The following MLIP variants were observed in gnomAD, a reference collection of about 807,000 sequenced individuals.
MLIP encodes muscular LMNA interacting protein, also known as muscular LMNA-interacting protein.
Under a neutral mutation model 84.8 loss-of-function variants are expected in MLIP, and 79 were observed. The ratio of observed to expected loss-of-function variants is 0.93; its 90% CI spans 0.78 to 1.12. The LOEUF (loss-of-function observed/expected upper bound fraction) is 1.12. MLIP is among the 50% of genes most tolerant of loss of function. The pLI is 0.00. For synonymous variants in MLIP, 504 were observed against 463.0 expected (o/e 1.09, Z -1.14); for missense variants, 1,257 against 1,160.6 (o/e 1.08, Z -1.21).
intron 1 of MLIP, 89 bp from the exon 2 acceptor site, chr6:54,121,358 A>G (rs1770433414): frequency 7.3e-7 from 1 of 1,370,428 alleles, no homozygotes; most frequent in African/African-American, 1.5e-5. Flanking sequence ...TCATCAAAAT[A>G]AATGAGATAA....
At chr6:54,048,513 G>A (rs1475173203) in intron 1 of MLIP, among the ~76,000 whole-genome samples, 1 of 152,110 alleles carries the variant, frequency 6.6e-6, no homozygotes, top group African/African-American at 2.4e-5. Context: ...GTGGGCATGT[G>A]GTCATGAAGG....
At chr6:54,186,195 G>A (rs1777373144) in intron 9 of MLIP, among the ~76,000 whole-genome samples, 1 of 152,156 alleles carries the variant, frequency 6.6e-6, no homozygotes, top group Non-Finnish European at 1.5e-5. Flanking sequence ...AGTTATTGTT[G>A]ATCTCTCAGA....
chr6:54,261,728 T>C (rs1383378009), intron 13 of MLIP: 1 of 985,188 alleles, frequency 1.0e-6, no homozygotes. Context: ...AAAGAGAAAA[T>C]AAATTACTTG....
At chr6:54,196,577 G>T (rs1025723452) in intron 10 of MLIP, among the ~76,000 whole-genome samples, 6 of 151,744 alleles carry the variant, frequency 4.0e-5, no homozygotes, top group African/African-American at 1.5e-4. Flanking sequence ...TCTTTATCTG[G>T]TCTATCATTG....
chr6:54,074,953 GA>G (rs939944205), intron 1 of MLIP, among the ~76,000 whole-genome samples: 3 of 151,792 alleles, frequency 2.0e-5, no homozygotes, highest in African/African-American at 7.3e-5. Context: ...ATTTGCTTGA[GA>G]AAAAAAATTC....
chr6:54,113,667 A>G (rs1414357230), intron 1 of MLIP, among the ~76,000 whole-genome samples: 1 of 151,732 alleles, frequency 6.6e-6, no homozygotes, highest in African/African-American at 2.4e-5. Flanking sequence ...TCATATACTC[A>G]GTCTTAATGC....
At chr6:54,178,687 G>T (rs1375358285) in intron 9 of MLIP, among the ~76,000 whole-genome samples, 2 of 151,970 alleles carry the variant, frequency 1.3e-5, no homozygotes, top group Admixed American at 1.3e-4. Flanking sequence ...ATTTCCATGT[G>T]TTTGTATAGT....
intron 9 of MLIP, among the ~76,000 whole-genome samples, chr6:54,183,280 C>A (rs554100457): frequency 2.0e-4 from 31 of 152,116 alleles, no homozygotes; most frequent in African/African-American, 7.0e-4. Flanking sequence ...TAGGATGATG[C>A]CAGAGATTTG....
At chr6:54,230,342 T>C (rs1215280490) in intron 11 of MLIP, among the ~76,000 whole-genome samples, 1 of 152,170 alleles carries the variant, frequency 6.6e-6, no homozygotes, top group Non-Finnish European at 1.5e-5. Flanking sequence ...TAAATTAATT[T>C]CCATGACTAC....
chr6:54,124,994 C>A (rs1770801439), intron 3 of MLIP, 129 bp downstream of exon 3: 6 of 704,770 alleles, frequency 8.5e-6, no homozygotes, highest in East Asian at 5.8e-5. Context: ...ATTTAAAAAA[C>A]CATTATCTCA....
At position 54,136,802 on chromosome 6, in the gene MLIP, C is replaced by A. The variant is rs1423749543; in HGVS notation, c.733C>A (p.Pro245Thr). ...FVSPTNPNTP[P>T]DPVNLEGASV... Reference sequence around the variant, plus strand: ...TTCTCCAACTAATCCGAACACACCACCCGACCCAGTTAACCTCGAGGGAGC... The same window carrying A: ...TTCTCCAACTAATCCGAACACACCAACCGACCCAGTTAACCTCGAGGGAGC... The change falls in exon 4 of 14, where the codon CCC becomes ACC. Residue 245 changes from proline to threonine, a missense_variant. Transcript: ENST00000502396. 6.5e-7 allele frequency: 1 copy of A among 1,529,530 alleles called. No individual in the cohort carries two copies. The highest frequency in any genetic ancestry group is 2.0e-5 in the Admixed American group (1 of 50,882). 94.7% of individuals were successfully genotyped at this position (1,529,530 alleles called of 1,614,324 possible). A position where few individuals can be genotyped will look rare whatever the true frequency, so the allele number is the denominator to read the frequency against.
chr6:54,048,398 G>A (rs1308510871), intron 1 of MLIP, among the ~76,000 whole-genome samples: 1 of 152,098 alleles, frequency 6.6e-6, no homozygotes, highest in African/African-American at 2.4e-5. Context: ...TGCTTGGGGA[G>A]AATGTGCATT....
In MLIP at chr6:54,257,308, C is replaced by G. The variant is rs1010881299; in HGVS notation, c.2923C>G (p.Leu975Val). 6.2e-7 allele frequency: 1 copy of G among 1,611,496 alleles called. No homozygotes were observed. The highest frequency in any genetic ancestry group is 1.3e-5 in the African/African-American group (1 of 74,744). ...TATCCTGGGCATCTTTTCTGTGAAG[C>G]TGAGTCATCCAATGGTGGCTATTCC... Reference protein sequence around the residue: ...TLLSHNACNKLSHPMVAIPEH... With the variant: ...TLLSHNACNKVSHPMVAIPEH... The change falls in exon 13 of 14, where the codon CTG (leucine) becomes GTG (valine). Residue 975 changes from leucine (L) to valine (V), a missense_variant and splice_region_variant. Leu to Val is a conservative substitution (Grantham distance 32). Coordinates refer to ENST00000502396, the MANE Select transcript of MLIP (RefSeq NM_001281747.2).
Position 54,076,688 on chromosome 6 carries a change from G to A in MLIP, c.64-44759G>A, listed in dbSNP as rs900275325. Among the ~76,000 whole-genome samples the A allele has an allele frequency of 4.0e-4, 61 of 152,224 alleles. 1 individual carries two copies. Among genetic ancestry groups the A allele is most frequent in the South Asian group, 1.7e-3 (8 of 4,820 alleles). On this transcript the variant is annotated intron_variant, in intron 1 of 12. Coordinates refer to the MLIP transcript ENST00000274897. ...AATAAATTTTGCATAGCATTTTGGA[G>A]GCATCATCAAAATCAAAGCCTGAAT...
chr6:54,181,858 A>G (rs1373915795), intron 9 of MLIP, among the ~76,000 whole-genome samples: 4 of 152,136 alleles, frequency 2.6e-5, no homozygotes, highest in Non-Finnish European at 4.4e-5. Context: ...GCTCTATCCA[A>G]TTGTGGATGA....
rs140282045 is a variant in MLIP at position 54,124,531 on chromosome 6, C to A, written c.311C>A (p.Ala104Glu). 5.0e-6 allele frequency: 8 copies of A among 1,613,990 alleles called. No individual in the cohort carries two copies. The highest frequency in any genetic ancestry group is 5.1e-6 in the Non-Finnish European group (6 of 1,180,008). The change falls in exon 3 of 14, where the codon GCG becomes GAG. Residue 104 changes from alanine (A) to glutamate (E), a missense_variant. Coordinates refer to ENST00000502396, the MANE Select transcript of MLIP (RefSeq NM_001281747.2). The stretch of plus-strand genomic sequence containing the variant: ...GGGAGCCAACAAGAGAGAGACCAAG[C>A]GAAATTGACTTGTCCTTCAGAGGTC... ...NAGSQQERDQAKLTCPSEVSG... is the reference protein window; with the variant it reads ...NAGSQQERDQEKLTCPSEVSG...
At chr6:54,092,880 T>C (rs1015206153) in intron 1 of MLIP, among the ~76,000 whole-genome samples, 1 of 152,082 alleles carries the variant, frequency 6.6e-6, no homozygotes, top group African/African-American at 2.4e-5. Context: ...ATCTATTTTT[T>C]TTTTCTTTTG....
chr6:54,099,567 T>TATAG (rs1043903217), intron 1 of MLIP: 2 of 152,262 alleles, frequency 1.3e-5, no homozygotes, highest in South Asian at 4.1e-4. Flanking sequence ...ATCTAAGGCT[T>TATAG]ATAGATTGCC....
intron 1 of MLIP, among the ~76,000 whole-genome samples, chr6:54,031,984 C>T (rs1377597178): frequency 1.3e-5 from 2 of 152,102 alleles, no homozygotes; most frequent in East Asian, 1.9e-4. Context: ...CAGAGTGTGA[C>T]AGGAGGAGAA....
Sources: gnomAD v4.1 joint callset for allele counts (sites outside exome capture counted in the v4.1 genomes callset) on GRCh38, gnomAD v4.1.1 for gene constraint, MANE v1.5 for transcripts, NCBI Gene and HGNC (gene_info 2026-07-23, HGNC 2026-07-21) for gene names.